ADK: variants seen among roughly 807,000 people sequenced by gnomAD.
ADK encodes N6,N6-dimethyladenosine kinase.
A neutral mutation model predicts 44.7 loss-of-function variants in ADK; 24 were observed. That is an observed-to-expected ratio of 0.54 (90% CI 0.39 to 0.76). ADK has a LOEUF of 0.76. ADK is among the 30% of genes least tolerant of loss of function. ADK has a pLI of 0.00. For missense variants in ADK, 321 were observed against 425.1 expected (o/e 0.76, Z 2.15); for synonymous variants, 128 against 142.6 (o/e 0.90, Z 0.73).
At chr10:74,427,432 T>C (rs1168109240) in intron 6 of ADK, among the ~76,000 whole-genome samples, 1 of 152,192 alleles carries the variant, frequency 6.6e-6, no homozygotes, top group Admixed American at 6.5e-5. Flanking sequence ...TCTCTTGACC[T>C]TGTGATCCAC....
intron 3 of ADK, among the ~76,000 whole-genome samples, chr10:74,248,283 G>A (rs923913301): frequency 6.6e-6 from 1 of 152,108 alleles, no homozygotes; most frequent in Non-Finnish European, 1.5e-5. Flanking sequence ...TTAAAGCATA[G>A]ACCAGATTAT....
At chr10:74,397,127 AT>A (rs1843546013) in intron 5 of ADK, among the ~76,000 whole-genome samples, 1 of 152,104 alleles carries the variant, frequency 6.6e-6, no homozygotes, top group Non-Finnish European at 1.5e-5. Flanking sequence ...TTACTAAAAT[AT>A]TTTTATAAAT....
intron 10 of ADK, among the ~76,000 whole-genome samples, chr10:74,689,552 A>G (rs1855910856): frequency 6.6e-6 from 1 of 152,174 alleles, no homozygotes. Context: ...CACACTCTCA[A>G]ACTTACAAAT....
chr10:74,346,016 C>T (rs541625634), intron 4 of ADK, among the ~76,000 whole-genome samples: 1 of 152,010 alleles, frequency 6.6e-6, no homozygotes, highest in African/African-American at 2.4e-5. Context: ...TGCCTCAGCC[C>T]CCTGAGTAAC....
rs545716985 is a variant in ADK at position 74,395,270 on chromosome 10, A to C, written c.446+957A>C. ...CTCCTTTATTTTCTTCCCCCTCTCC[A>C]CCACGACCTTGCTCCATTTCTTCTA... On this transcript the variant is annotated intron_variant, in intron 5 of 10. Transcript: ENST00000539909. Among the ~76,000 whole-genome samples the C allele has an allele frequency of 1.1e-4, 17 of 151,224 alleles. 1 individual carries two copies. The South Asian group carries it at 3.6e-3, about 32-fold the overall frequency.
rs1842025829 is a variant in ADK at position 74,353,262 on chromosome 10, C to G, written c.273+38517C>G. Among the ~76,000 whole-genome samples, 5 of 152,196 alleles carry G rather than the reference C, an allele frequency of 3.3e-5. No homozygotes were observed. In the South Asian group the frequency reaches 1.0e-3, roughly 32 times the overall value. ...GATGAGTTCATGTCCTTTGCAGGGA[C>G]ATGATGAAGCTGGAAACCATCATTT... On this transcript the variant is annotated intron_variant, in intron 4 of 10. Transcript: ENST00000539909.
At chr10:74,643,081 A>G (rs1853929085) in intron 9 of ADK, among the ~76,000 whole-genome samples, 1 of 151,962 alleles carries the variant, frequency 6.6e-6, no homozygotes, top group African/African-American at 2.4e-5. Context: ...GCCTCAAGCA[A>G]TCCACCCACC....
intron 4 of ADK, among the ~76,000 whole-genome samples, chr10:74,335,129 T>C (rs1473020381): frequency 6.6e-6 from 1 of 152,232 alleles, no homozygotes; most frequent in Non-Finnish European, 1.5e-5. Flanking sequence ...TGTGCTGGTC[T>C]ACCTGCCCTG....
chr10:74,502,665 A>G (rs1015269254), intron 6 of ADK, among the ~76,000 whole-genome samples: 1 of 152,202 alleles, frequency 6.6e-6, no homozygotes, highest in African/African-American at 2.4e-5. Flanking sequence ...CTTGTGATGA[A>G]GCTAGAAGAT....
chr10:74,522,681 A>G (rs893329871), intron 6 of ADK, among the ~76,000 whole-genome samples: 3 of 152,094 alleles, frequency 2.0e-5, no homozygotes, highest in African/African-American at 7.2e-5. Flanking sequence ...CATTATGGAA[A>G]TCGTTGGTCC....
intron 1 of ADK, among the ~76,000 whole-genome samples, chr10:74,198,108 G>A (rs998121496): frequency 6.6e-6 from 1 of 151,940 alleles, no homozygotes; most frequent in African/African-American, 2.4e-5. Flanking sequence ...GCTCATCCTT[G>A]TTTTTTTGTT....
At chr10:74,679,937 G>A (rs999611833) in intron 10 of ADK, among the ~76,000 whole-genome samples, 18 of 151,846 alleles carry the variant, frequency 1.2e-4, no homozygotes, top group Non-Finnish European at 5.9e-5. Context: ...TAGCCTGGGC[G>A]ACACAGCAAG....
intron 6 of ADK, among the ~76,000 whole-genome samples, chr10:74,493,534 A>G (rs1314950256): frequency 6.6e-6 from 1 of 151,512 alleles, no homozygotes. Context: ...ATAGATATAG[A>G]TAGACATAGA....
intron 1 of ADK, among the ~76,000 whole-genome samples, chr10:74,179,564 C>A (rs1453600664): frequency 6.6e-6 from 1 of 152,138 alleles, no homozygotes; most frequent in Admixed American, 6.6e-5. Flanking sequence ...TATTAGCATG[C>A]TAAAATACAC....
intron 4 of ADK, among the ~76,000 whole-genome samples, chr10:74,325,860 T>A (rs531487929): frequency 3.5e-4 from 53 of 152,252 alleles, no homozygotes; most frequent in Non-Finnish European, 6.5e-4. Context: ...TGCTGGCTTT[T>A]TTTTTTCTTT....
At chr10:74,693,972 T>G (rs1856078577) in intron 10 of ADK, among the ~76,000 whole-genome samples, 1 of 152,136 alleles carries the variant, frequency 6.6e-6, no homozygotes, top group Admixed American at 6.6e-5. Flanking sequence ...GAATGGTTGC[T>G]CTTAATAACC....
At position 74,394,705 on chromosome 10, in the gene ADK, CAG is replaced by C. The variant is rs377693836; in HGVS notation, c.446+401_446+402del. On this transcript the variant is annotated intron_variant, in intron 5 of 10. Transcript: ENST00000539909. ...AATACGAGAGAGAGAGACAGAGAGA[CAG>C]AGAGAGAGTGTGTGTGTGTATTTTA... Among the ~76,000 whole-genome samples, 29 of 152,110 alleles carry C rather than the reference CAG, an allele frequency of 1.9e-4. 1 individual carries two copies. The East Asian group carries it at 5.4e-3, about 28-fold the overall frequency.
chr10:74,635,557 A>G (rs1331321511), intron 9 of ADK, among the ~76,000 whole-genome samples: 1 of 152,202 alleles, frequency 6.6e-6, no homozygotes, highest in African/African-American at 2.4e-5. Context: ...AATTAGTAAC[A>G]TAAAAAACAG....
intron 3 of ADK, among the ~76,000 whole-genome samples, chr10:74,257,914 G>A (rs1297365964): frequency 7.2e-5 from 11 of 152,122 alleles, no homozygotes; most frequent in Non-Finnish European, 1.2e-4. Context: ...AATTACCATG[G>A]CTTTAAACTC....
Sources: allele counts gnomAD v4.1 joint callset (sites outside exome capture counted in the v4.1 genomes callset), GRCh38; gene constraint gnomAD v4.1.1; transcripts MANE v1.5; gene names NCBI Gene and HGNC (gene_info 2026-07-23, HGNC 2026-07-21).